The following CDH11 variants were observed in gnomAD, a reference collection of about 807,000 sequenced individuals.
The protein encoded by CDH11 is cadherin-11.
Under a neutral mutation model 67.8 loss-of-function variants are expected in CDH11, and 11 were observed. The ratio of observed to expected loss-of-function variants is 0.16; its 90% confidence interval spans 0.10 to 0.27. The LOEUF (loss-of-function observed/expected upper bound fraction) is 0.27. Ranked by LOEUF, CDH11 falls within the 10% of genes least tolerant of loss-of-function variation. The pLI, the probability that CDH11 is intolerant of heterozygous loss-of-function variation, is 1.00. For missense variants in CDH11, 847 were observed against 1,031.2 expected (o/e 0.82, Z 2.45); for synonymous variants, 419 against 400.0 (o/e 1.05, Z -0.57).
intron 1 of CDH11, among the ~76,000 whole-genome samples, chr16:65,075,692 C>A (rs906960486): frequency 1.3e-5 from 2 of 152,176 alleles, no homozygotes; most frequent in East Asian, 3.9e-4. Flanking sequence ...ATGAAGCAGG[C>A]AAATCCTAAT....
intron 2 of CDH11, among the ~76,000 whole-genome samples, chr16:65,009,597 C>T (rs1360179583): frequency 6.6e-6 from 1 of 152,046 alleles, no homozygotes; most frequent in African/African-American, 2.4e-5. Flanking sequence ...CTAAGGAGAC[C>T]TTGATGTTGG....
chr16:64,962,800 G>A (rs1266177842), intron 11 of CDH11, among the ~76,000 whole-genome samples: 1 of 152,104 alleles, frequency 6.6e-6, no homozygotes, highest in Non-Finnish European at 1.5e-5. Context: ...GAGACTAACT[G>A]ACCTGGGGAA....
intron 7 of CDH11, chr16:64,985,523 T>A (rs970060607): frequency 7.9e-5 from 12 of 151,846 alleles, no homozygotes; most frequent in African/African-American, 2.9e-4. Context: ...TCCTTAACTA[T>A]CCAGCAAATT....
chr16:64,953,098 G>A (rs938255389), intron 11 of CDH11, among the ~76,000 whole-genome samples: 1 of 151,826 alleles, frequency 6.6e-6, no homozygotes, highest in Admixed American at 6.6e-5. Context: ...TGATACTGTA[G>A]TTTCAAATTT....
intron 2 of CDH11, among the ~76,000 whole-genome samples, chr16:65,050,618 CAAG>C (rs34346363): frequency 0.25 from 38,296 of 151,992 alleles, 5,836 homozygotes; most frequent in Middle Eastern, 0.37. Context: ...TCTTTTCCAT[CAAG>C]AAGAAGCTTA....
At chr16:65,000,882 A>C (rs988074455) in intron 3 of CDH11, among the ~76,000 whole-genome samples, 14 of 151,942 alleles carry the variant, frequency 9.2e-5, no homozygotes, top group African/African-American at 3.1e-4. Context: ...TAATATTAAC[A>C]ATATTAATAG....
chr16:64,959,372 G>A lies in CDH11; in HGVS notation c.1643-8354C>T, dbSNP rs142415213. On this transcript the variant is annotated intron_variant, in intron 11 of 12. Coordinates refer to ENST00000268603, the MANE Select transcript of CDH11 (RefSeq NM_001797.4). ...TTTTCTCCTTGTTGGTAGGGTAAAT[G>A]GAGAGAAAAGAACATACTGCCCACG... is the stretch of plus-strand genomic sequence containing the variant. Among the ~76,000 whole-genome samples, 5 of 152,218 alleles carry A rather than the reference G, an allele frequency of 3.3e-5. No homozygotes were observed. In the East Asian group the frequency reaches 9.7e-4, roughly 29 times the overall value.
intron 1 of CDH11, among the ~76,000 whole-genome samples, chr16:65,082,786 T>G (rs1380996969): frequency 6.6e-6 from 1 of 152,218 alleles, no homozygotes. Flanking sequence ...GATATTTAAC[T>G]TCGGTAAGCC....
intron 2 of CDH11, among the ~76,000 whole-genome samples, chr16:65,051,851 CA>C (rs1233615568): frequency 2.6e-5 from 4 of 152,192 alleles, no homozygotes; most frequent in African/African-American, 9.7e-5. Context: ...CTTCCCCAGC[CA>C]TGCAGAACTG....
At position 64,988,078 on chromosome 16, in the gene CDH11, C is replaced by T. The variant is rs560174164; in HGVS notation, c.999+79G>A. 1.1e-4 allele frequency: 123 copies of T among 1,154,326 alleles called. 1 individual carries two copies. In the Middle Eastern group the frequency reaches 1.4e-3, roughly 14 times the overall value. 71.5% of individuals were successfully genotyped at this position (1,154,326 alleles called of 1,614,324 possible). A position where few individuals can be genotyped will look rare whatever the true frequency, so the allele number is the denominator to read the frequency against. On this transcript the variant is annotated intron_variant, in intron 7 of 12. Transcript: ENST00000268603. ...TCGCAAATTCTCATTTCTTAACCGT[C>T]GCCTCCCTGTTTCTTGCAGTGTTGC... is the stretch of plus-strand genomic sequence containing the variant.
At chr16:65,046,802 C>T (rs2073968600) in intron 2 of CDH11, among the ~76,000 whole-genome samples, 1 of 152,098 alleles carries the variant, frequency 6.6e-6, no homozygotes, top group African/African-American at 2.4e-5. Context: ...AAACTTAATA[C>T]ATTTTTCCTT....
rs565058367 is a variant in CDH11, at chr16:65,053,856, T to C, written c.-225A>G. 4.4e-6 allele frequency: 2 copies of C among 456,002 alleles called. No homozygotes were observed. The highest frequency in any genetic ancestry group is 4.7e-5 in the Admixed American group (2 of 42,564). The allele number at this position is 456,002 out of a possible 1,614,324, so 28.2% of individuals were successfully genotyped here. On this transcript the variant is annotated 5_prime_UTR_variant, in exon 2 of 13. It removes an upstream start codon present in the reference 5' UTR. Transcript: ENST00000268603. ...CAATTTCTGTAACACACTCCACCCATCTGATTGGTCACTCAACAAATGACA... is the reference window on the plus strand; with the variant it reads ...CAATTTCTGTAACACACTCCACCCACCTGATTGGTCACTCAACAAATGACA...
chr16:65,045,346 T>TATATATATATATATAC (rs1423735974), intron 2 of CDH11, among the ~76,000 whole-genome samples: 1 of 77,552 alleles, frequency 1.3e-5, no homozygotes, highest in Non-Finnish European at 2.6e-5. Context: ...TATATATATA[T>TATATATATATATATAC]ATATATATAT....
Position 64,945,412 on chromosome 16 carries a change from C to T in CDH11, c.*2191G>A. 1 of 1,033,506 alleles carries T rather than the reference C, an allele frequency of 9.7e-7. No individual in the cohort carries two copies. Among genetic ancestry groups the T allele is most frequent in the Non-Finnish European group, 1.2e-6 (1 of 858,154 alleles). The allele number at this position is 1,033,506 out of a possible 1,614,324, so 64.0% of individuals were successfully genotyped here. On this transcript the variant is annotated 3_prime_UTR_variant, in exon 13 of 13. Coordinates refer to ENST00000268603, the MANE Select transcript of CDH11 (RefSeq NM_001797.4). ...AAAAATGCGAAAATGTAGTTGTCATCTCTAATCCAAATACATTCCTAGAGA... is the reference window on the plus strand; with the variant it reads ...AAAAATGCGAAAATGTAGTTGTCATTTCTAATCCAAATACATTCCTAGAGA...
chr16:64,978,373 A>T (rs2072237836), intron 8 of CDH11, among the ~76,000 whole-genome samples: 1 of 152,254 alleles, frequency 6.6e-6, no homozygotes, highest in Admixed American at 6.5e-5. Context: ...TGCAGAAATT[A>T]GAATCTCTGT....
chr16:65,041,101 C>A (rs150511440), intron 2 of CDH11, among the ~76,000 whole-genome samples: 7 of 152,216 alleles, frequency 4.6e-5, no homozygotes, highest in African/African-American at 1.2e-4. Flanking sequence ...TTACAGCCAG[C>A]GCCAAAGTGC....
At chr16:65,059,578 C>A (rs2074203612) in intron 1 of CDH11, 1 of 152,152 alleles carries the variant, frequency 6.6e-6, no homozygotes, top group African/African-American at 2.4e-5. Flanking sequence ...CCGGCATTGT[C>A]CAGGCCTGAT....
At chr16:64,982,561 T>C in intron 7 of CDH11, 1 of 400,218 alleles carries the variant, frequency 2.5e-6, no homozygotes, top group Non-Finnish European at 4.5e-6. Context: ...TTATTCTATA[T>C]AGCAACACTA....
chr16:65,041,058 T>A (rs1597123912), intron 2 of CDH11, among the ~76,000 whole-genome samples: 1 of 152,294 alleles, frequency 6.6e-6, no homozygotes, highest in East Asian at 1.9e-4. Context: ...TAAGAACTCT[T>A]CTCTAAAGTC....
Sources: gnomAD v4.1 joint callset for allele counts (sites outside exome capture counted in the v4.1 genomes callset) on GRCh38, gnomAD v4.1.1 for gene constraint, MANE v1.5 for transcripts, NCBI Gene and HGNC (gene_info 2026-07-23, HGNC 2026-07-21) for gene names.